OSTN: variants seen among roughly 807,000 people sequenced by gnomAD.
OSTN encodes the protein osteocrin.
Under a neutral mutation model 12.0 loss-of-function variants are expected in OSTN, and 9 were observed. The ratio of observed to expected loss-of-function variants is 0.75; its 90% CI spans 0.45 to 1.30. OSTN has a LOEUF of 1.30. OSTN is among the 50% of genes most tolerant of loss of function. The probability of loss-of-function intolerance (pLI) is 0.00; values close to 1 mark genes in which losing one functional copy is unlikely to be tolerated. For missense variants in OSTN, 148 were observed against 152.3 expected (o/e 0.97, Z 0.15); for synonymous variants, 59 against 56.9 (o/e 1.04, Z -0.16).
At chr3:191,247,468 A>G (rs1299379829) in intron 3 of OSTN, among the ~76,000 whole-genome samples, 1 of 152,174 alleles carries the variant, frequency 6.6e-6, no homozygotes, top group African/African-American at 2.4e-5. Context: ...TTCTCACCGA[A>G]TTGATCAAAT....
chr3:191,250,062 C>A lies in OSTN; in HGVS notation c.343C>A (p.Arg115=), dbSNP rs923879466. The stretch of plus-strand genomic sequence containing the variant: ...GAAAGTAGTAGATCATCCAAAAAGG[C>A]GATTTGGTATCCCCATGGATCGGAT... ...QRKVVDHPKR[R]FGIPMDRIGR... Residue 115 remains arginine, a synonymous_variant, in exon 4 of 5, where the codon CGA becomes AGA. Transcript: ENST00000682035. 1.2e-6 allele frequency: 2 copies of A among 1,613,654 alleles called. No homozygotes were observed. The highest frequency in any genetic ancestry group is 4.5e-5 in the East Asian group (2 of 44,850).
At chr3:191,204,627 C>G (rs1228018593) in intron 1 of OSTN, among the ~76,000 whole-genome samples, 1 of 152,170 alleles carries the variant, frequency 6.6e-6, no homozygotes, top group African/African-American at 2.4e-5. Context: ...GCTGGAGGTC[C>G]CAATCTTTGC....
chr3:191,213,297 A>G (rs538763020), intron 2 of OSTN: 2 of 152,314 alleles, frequency 1.3e-5, no homozygotes, highest in South Asian at 4.1e-4. Context: ...GTAGTTTTTT[A>G]TTGTCTTCTT....
At chr3:191,203,184 C>G (rs988398223) in intron 1 of OSTN, among the ~76,000 whole-genome samples, 2 of 152,136 alleles carry the variant, frequency 1.3e-5, no homozygotes, top group Non-Finnish European at 2.9e-5. Context: ...TAGTATCTGC[C>G]CCGCATTCCT....
chr3:191,219,392 C>A (rs1486265971), intron 3 of OSTN, among the ~76,000 whole-genome samples: 1 of 152,188 alleles, frequency 6.6e-6, no homozygotes, highest in African/African-American at 2.4e-5. Flanking sequence ...GTGACAAGTT[C>A]TCAGAACGTG....
chr3:191,202,137 A>G (rs1477144020), intron 1 of OSTN, among the ~76,000 whole-genome samples: 1 of 152,250 alleles, frequency 6.6e-6, no homozygotes, highest in African/African-American at 2.4e-5. Flanking sequence ...TTTCTAAAGT[A>G]ACTCAGCTTG....
chr3:191,211,997 G>GT (rs1714431054), intron 1 of OSTN, among the ~76,000 whole-genome samples: 3 of 151,886 alleles, frequency 2.0e-5, no homozygotes, highest in South Asian at 4.2e-4. Context: ...TAAAAACATA[G>GT]TTTTTTAAAA....
rs1051488285 is a variant in OSTN, at chr3:191,250,025, G to C, written c.318-12G>C. The C allele has an allele frequency of 2.5e-6, 4 of 1,601,310 alleles. No homozygotes were observed. Among genetic ancestry groups the C allele is most frequent in the Admixed American group, 1.7e-5 (1 of 59,914 alleles). ...CCTTTAGTTTAAAAATGTCCTCCTT[G>C]GTTTGTTTCAGGAAAGTAGTAGATC... On this transcript the variant is annotated splice_polypyrimidine_tract_variant and intron_variant, in intron 3 of 4. Transcript: ENST00000682035.
Position 191,202,161 on chromosome 3 carries a change from A to T in OSTN, c.-1+2854A>T, listed in dbSNP as rs890659666. Among the ~76,000 whole-genome samples, 28 of 152,234 alleles carry T rather than the reference A, an allele frequency of 1.8e-4. 1 individual carries two copies. The highest frequency in any genetic ancestry group is 1.5e-5 in the Non-Finnish European group (1 of 68,050). The stretch of plus-strand genomic sequence containing the variant: ...TAACTCAGCTTGTCTCAGTTCACAG[A>T]TGTTTAAAAAATAGAATTATAATGT... On this transcript the variant is annotated intron_variant, in intron 1 of 4. Coordinates refer to ENST00000682035, the MANE Select transcript of OSTN (RefSeq NM_198184.2).
In OSTN at chr3:191,250,096, A is replaced by G. The variant is rs756974581; in HGVS notation, c.377A>G (p.Asn126Ser). 3.1e-6 allele frequency: 5 copies of G among 1,613,370 alleles called. No homozygotes were observed. The African/African-American group carries it at 6.7e-5, about 22-fold the overall frequency. ...FGIPMDRIGR[N>S]RLSNSRG is the part of the protein sequence containing the mutation. ...ATCCCCATGGATCGGATTGGTAGAA[A>G]CCGGCTTTCAAATTCCAGAGGCTAA... is the stretch of plus-strand genomic sequence containing the variant. Residue 126 changes from asparagine (N) to serine (S), a missense_variant, in exon 4 of 5, where the codon AAC (asparagine) becomes AGC (serine). By Grantham distance (46) the Asn-to-Ser change is conservative. Coordinates refer to ENST00000682035, the MANE Select transcript of OSTN (RefSeq NM_198184.2).
chr3:191,208,235 G>A (rs781486787), intron 1 of OSTN, among the ~76,000 whole-genome samples: 1 of 152,056 alleles, frequency 6.6e-6, no homozygotes, highest in Non-Finnish European at 1.5e-5. Context: ...AGTATACATG[G>A]TGCCTAAGAG....
intron 3 of OSTN, among the ~76,000 whole-genome samples, chr3:191,247,515 C>T (rs1247144451): frequency 2.0e-5 from 3 of 151,790 alleles, no homozygotes; most frequent in Non-Finnish European, 4.4e-5. Context: ...CACATATAGT[C>T]GATACAGATA....
chr3:191,253,106 G>C (rs889559896), intron 4 of OSTN, among the ~76,000 whole-genome samples: 5 of 152,186 alleles, frequency 3.3e-5, no homozygotes, highest in African/African-American at 1.2e-4. Flanking sequence ...TTGGTGCTAA[G>C]TTTTCATTGT....
rs763833525 is a variant in OSTN, at chr3:191,212,561, A to G, written c.29A>G (p.His10Arg). The change falls in exon 2 of 5, where the codon CAT (histidine) becomes CGT (arginine). Residue 10 changes from histidine (H) to arginine (R), a missense_variant. By Grantham distance (29) the His-to-Arg change is conservative. Coordinates refer to ENST00000682035, the MANE Select transcript of OSTN (RefSeq NM_198184.2). MLDWRLASA[H>R]FILAVTLTLW... is the part of the protein sequence containing the mutation. ...CTGGACTGGAGATTGGCAAGTGCACATTTCATCCTGGCTGTGACACTGACA... is the reference window on the plus strand; with the variant it reads ...CTGGACTGGAGATTGGCAAGTGCACGTTTCATCCTGGCTGTGACACTGACA... The G allele has an allele frequency of 1.6e-5, 26 of 1,593,980 alleles. No individual in the cohort carries two copies. The highest frequency in any genetic ancestry group is 2.1e-5 in the Non-Finnish European group (25 of 1,167,370).
intron 4 of OSTN, among the ~76,000 whole-genome samples, chr3:191,253,171 G>A (rs568475217): frequency 6.6e-6 from 1 of 152,144 alleles, no homozygotes; most frequent in Non-Finnish European, 1.5e-5. Context: ...ATGGTATCTC[G>A]CACTTTACAA....
intron 3 of OSTN, among the ~76,000 whole-genome samples, chr3:191,239,521 C>T (rs1227554777): frequency 1.3e-5 from 2 of 152,320 alleles, no homozygotes; most frequent in Non-Finnish European, 1.5e-5. Flanking sequence ...TGGTTTCTTT[C>T]TGAATGCCTG....
chr3:191,217,110 A>G (rs1222867871), intron 2 of OSTN: 1 of 152,258 alleles, frequency 6.6e-6, no homozygotes, highest in Non-Finnish European at 1.5e-5. Flanking sequence ...ACTTACAATC[A>G]TGGTGGAAGG....
At chr3:191,206,467 G>T (rs1714277515) in intron 1 of OSTN, among the ~76,000 whole-genome samples, 1 of 152,156 alleles carries the variant, frequency 6.6e-6, no homozygotes, top group East Asian at 1.9e-4. Context: ...AAATATTTCT[G>T]TCACAGCCTA....
chr3:191,235,327 T>G (rs905118813), intron 3 of OSTN, among the ~76,000 whole-genome samples: 2 of 152,330 alleles, frequency 1.3e-5, no homozygotes, highest in South Asian at 4.1e-4. Context: ...CTCTTTTCCC[T>G]AGCTTGGACC....
Sources: allele counts gnomAD v4.1 joint callset (sites outside exome capture counted in the v4.1 genomes callset), GRCh38; gene constraint gnomAD v4.1.1; transcripts MANE v1.5; gene names NCBI Gene and HGNC (gene_info 2026-07-23, HGNC 2026-07-21).